LSM14A: variants seen among roughly 807,000 people sequenced by gnomAD.
LSM14A encodes protein LSM14 homolog A.
In LSM14A, 14 loss-of-function variants were observed where a neutral mutation model predicts 52.4. The observed-to-expected ratio is 0.27, with a 90% CI of 0.18 to 0.42. LSM14A has a LOEUF of 0.42. Ranked by LOEUF, LSM14A falls within the 10% of genes least tolerant of loss-of-function variation. The pLI is 1.00. For missense variants in LSM14A, 417 were observed against 581.8 expected (o/e 0.72, Z 2.91); for synonymous variants, 185 against 200.3 (o/e 0.92, Z 0.64).
rs575764771 is a variant in LSM14A at position 34,179,545 on chromosome 19, A to G, written c.121+6782A>G. Among the ~76,000 whole-genome samples, 417 of 152,308 alleles carry G rather than the reference A, an allele frequency of 2.7e-3. 2 individuals carry two copies. The highest frequency in any genetic ancestry group is 2.4e-3 in the Non-Finnish European group (163 of 68,016). On this transcript the variant is annotated intron_variant, in intron 1 of 9. Transcript: ENST00000544216. ...CTTGGAAACAGTTTATTATTGTTAC[A>G]TAGTCCGCAGAAATACTTGGTAATT...
At chr19:34,192,319 G>GTTGTTTTTTTTTTTTTTTTTTTTTTTTTT (rs60512063) in intron 1 of LSM14A, among the ~76,000 whole-genome samples, 1 of 53,410 alleles carries the variant, frequency 1.9e-5, no homozygotes, top group African/African-American at 8.1e-5. Flanking sequence ...TCTTTTTGTT[G>GTTGTTTTTTTTTTTTTTTTTTTTTTTTTT]TTTTTTTTTT....
intron 3 of LSM14A, among the ~76,000 whole-genome samples, chr19:34,199,852 A>G (rs776578165): frequency 6.6e-6 from 1 of 152,264 alleles, no homozygotes; most frequent in Non-Finnish European, 1.5e-5. Context: ...CAGTATAATA[A>G]TTAGCGAGGA....
At chr19:34,191,159 T>C (rs1164300190) in intron 1 of LSM14A, among the ~76,000 whole-genome samples, 1 of 152,206 alleles carries the variant, frequency 6.6e-6, no homozygotes, top group Non-Finnish European at 1.5e-5. Context: ...TGTTGTTGCA[T>C]TTATTAGTTA....
chr19:34,193,258 T>A (rs1405544946), intron 1 of LSM14A, among the ~76,000 whole-genome samples: 1 of 152,196 alleles, frequency 6.6e-6, no homozygotes, highest in East Asian at 1.9e-4. Flanking sequence ...GCTCAAGCGA[T>A]CCTCATACCT....
chr19:34,203,549 C>A (rs1054151744), intron 3 of LSM14A, among the ~76,000 whole-genome samples: 2 of 152,058 alleles, frequency 1.3e-5, no homozygotes, highest in African/African-American at 4.8e-5. Context: ...CCTGTAATCC[C>A]AGCACTTTGG....
At chr19:34,194,089 C>T (rs1189161184) in intron 1 of LSM14A, among the ~76,000 whole-genome samples, 3 of 152,142 alleles carry the variant, frequency 2.0e-5, no homozygotes, top group Non-Finnish European at 4.4e-5. Flanking sequence ...AGAAGGATCG[C>T]CTGAGCCCGG....
intron 9 of LSM14A, among the ~76,000 whole-genome samples, chr19:34,226,853 T>C (rs2073373198): frequency 6.6e-6 from 1 of 152,226 alleles, no homozygotes; most frequent in Admixed American, 6.5e-5. Context: ...TCAGAGCTTA[T>C]TTCAGATTTA....
At chr19:34,194,034 T>C (rs2070661524) in intron 1 of LSM14A, among the ~76,000 whole-genome samples, 1 of 152,094 alleles carries the variant, frequency 6.6e-6, no homozygotes, top group Non-Finnish European at 1.5e-5. Context: ...TTAGCTGGGC[T>C]TAGTGGCACA....
chr19:34,215,774 A>AG (rs1386862354), intron 6 of LSM14A, 113 bp downstream of exon 6: 1 of 748,122 alleles, frequency 1.3e-6, no homozygotes, highest in East Asian at 2.7e-5. Context: ...GTGACTGTAA[A>AG]GGAGGAGCAC....
At chr19:34,216,500 C>G (rs748336776) in intron 6 of LSM14A, among the ~76,000 whole-genome samples, 2 of 151,968 alleles carry the variant, frequency 1.3e-5, no homozygotes, top group African/African-American at 2.4e-5. Context: ...ACTCTTGTTA[C>G]CCAGGCTGTA....
intron 1 of LSM14A, among the ~76,000 whole-genome samples, chr19:34,183,614 C>T (rs1294252580): frequency 6.6e-6 from 1 of 151,932 alleles, no homozygotes; most frequent in South Asian, 2.1e-4. Context: ...GAGACAACAT[C>T]AACACAGTTT....
At chr19:34,226,303 T>C in intron 9 of LSM14A, 2 of 1,142,680 alleles carry the variant, frequency 1.8e-6, no homozygotes, top group Non-Finnish European at 2.4e-6. Flanking sequence ...TCTGAATGAC[T>C]CAGCATAATG....
chr19:34,212,002 A>C (rs926325373), intron 4 of LSM14A, among the ~76,000 whole-genome samples: 1 of 152,140 alleles, frequency 6.6e-6, no homozygotes, highest in Non-Finnish European at 1.5e-5. Context: ...TGCAGGAAAA[A>C]AGAAAGAGAT....
At chr19:34,199,815 A>G (rs1487532269) in intron 3 of LSM14A, among the ~76,000 whole-genome samples, 1 of 152,254 alleles carries the variant, frequency 6.6e-6, no homozygotes, top group East Asian at 1.9e-4. Context: ...GCAGTGGTAG[A>G]TAAAGAAAAT....
chr19:34,173,778 T>G (rs900187629), intron 1 of LSM14A, among the ~76,000 whole-genome samples: 1 of 152,184 alleles, frequency 6.6e-6, no homozygotes, highest in African/African-American at 2.4e-5. Flanking sequence ...AGGTGGGAAC[T>G]GCATAGCATG....
chr19:34,177,435 T>C (rs2069161599), intron 1 of LSM14A, among the ~76,000 whole-genome samples: 1 of 152,234 alleles, frequency 6.6e-6, no homozygotes, highest in Non-Finnish European at 1.5e-5. Context: ...TATTATAATT[T>C]AGGGCTTGGA....
chr19:34,181,893 A>G (rs888827169), intron 1 of LSM14A, among the ~76,000 whole-genome samples: 5 of 152,154 alleles, frequency 3.3e-5, no homozygotes, highest in African/African-American at 1.2e-4. Context: ...ATCTCAATTC[A>G]GCATGCTCCA....
chr19:34,217,879 T>C (rs191734579), intron 6 of LSM14A, among the ~76,000 whole-genome samples: 37 of 151,938 alleles, frequency 2.4e-4, no homozygotes, highest in Middle Eastern at 3.4e-3. Flanking sequence ...TGCCATACTA[T>C]CTTTCATTGC....
intron 3 of LSM14A, among the ~76,000 whole-genome samples, chr19:34,200,520 C>T (rs546568755): frequency 3.3e-5 from 5 of 152,144 alleles, no homozygotes; most frequent in Admixed American, 1.3e-4. Context: ...TGATTTTAGC[C>T]TCTCTAAACA....
Sources: gnomAD v4.1 joint callset for allele counts (sites outside exome capture counted in the v4.1 genomes callset) on GRCh38, gnomAD v4.1.1 for gene constraint, MANE v1.5 for transcripts, NCBI Gene and HGNC (gene_info 2026-07-23, HGNC 2026-07-21) for gene names.